Variants in SNX14 observed in about 807,000 individuals in gnomAD.
SNX14 encodes the protein sorting nexin-14.
A neutral mutation model predicts 133.8 loss-of-function variants in SNX14; 93 were observed. The ratio of observed to expected loss-of-function variants is 0.70; its 90% CI spans 0.59 to 0.83. SNX14 has a LOEUF of 0.83. Ranked by LOEUF, SNX14 falls within the 40% of genes least tolerant of loss-of-function variation. The pLI, the probability that SNX14 is intolerant of heterozygous loss-of-function variation, is 0.00. For synonymous variants in SNX14, 368 were observed against 365.6 expected, an observed-to-expected ratio of 1.01 and a Z score of -0.07; for missense variants, 945 against 1,094.9, an observed-to-expected ratio of 0.86 and a Z score of 1.93.
intron 7 of SNX14, among the ~76,000 whole-genome samples, chr6:85,555,901 T>G (rs1037042630): frequency 2.6e-5 from 4 of 151,870 alleles, no homozygotes; most frequent in Admixed American, 1.3e-4. Flanking sequence ...GGCAGGAGAC[T>G]CACTTGAACC....
At chr6:85,549,979 G>A in intron 7 of SNX14, 100 bp from the exon 8 acceptor site, 2 of 1,020,702 alleles carry the variant, frequency 2.0e-6, no homozygotes, top group African/African-American at 1.6e-5. Context: ...GGGCGTGGTG[G>A]CTCATGCCTG....
Position 85,565,386 on chromosome 6 carries a change from T to G in SNX14, c.495A>C (p.Glu165Asp), listed in dbSNP as rs751559499. The G allele has an allele frequency of 6.2e-6, 10 of 1,604,140 alleles. No individual in the cohort carries two copies. The highest frequency in any genetic ancestry group is 8.5e-6 in the Non-Finnish European group (10 of 1,174,822). The change falls in exon 6 of 29, where the codon GAA becomes GAC. Residue 165 changes from glutamate to aspartate, a missense_variant. Around this residue, in one of 3 missense-constraint regions of SNX14, gnomAD observed 514 missense variants for 538.8 expected, o/e 0.95. Coordinates refer to ENST00000314673, the MANE Select transcript of SNX14 (RefSeq NM_153816.6). ...CAAAAAAACGTAATGTTATTCTCAG[T>G]TCATCAACAAAGGATTCATCATCTG... is the stretch of plus-strand genomic sequence containing the variant. Reference protein sequence around the residue: ...DVTDDESFVDELRITLRFFAS... With the variant: ...DVTDDESFVDDLRITLRFFAS...
intron 1 of SNX14, chr6:85,589,605 T>C (rs1299539944): frequency 6.6e-6 from 1 of 152,260 alleles, no homozygotes; most frequent in Non-Finnish European, 1.5e-5. Flanking sequence ...TTATGTTAAT[T>C]CCTCTGGTGT....
chr6:85,511,175 C>T (rs1772680962), intron 26 of SNX14, among the ~76,000 whole-genome samples: 1 of 139,978 alleles, frequency 7.1e-6, no homozygotes, highest in Non-Finnish European at 1.6e-5. Flanking sequence ...TTTGGGGGTG[C>T]TAATGCAAAT....
At chr6:85,572,044 G>T in intron 4 of SNX14, 93 bp downstream of exon 4, 1 of 1,005,414 alleles carries the variant, frequency 9.9e-7, no homozygotes, top group Non-Finnish European at 1.5e-6. Context: ...GTATTAAGAT[G>T]CTCCATGATT....
intron 21 of SNX14, among the ~76,000 whole-genome samples, chr6:85,524,251 A>T (rs1427492674): frequency 6.6e-6 from 1 of 152,162 alleles, no homozygotes; most frequent in Non-Finnish European, 1.5e-5. Flanking sequence ...AAAGATTAAA[A>T]TAATAGGTTC....
chr6:85,510,878 T>C (rs1772562762), intron 26 of SNX14, among the ~76,000 whole-genome samples: 1 of 152,228 alleles, frequency 6.6e-6, no homozygotes, highest in Non-Finnish European at 1.5e-5. Context: ...GACTTTGTTG[T>C]TCTCAATCAA....
At chr6:85,522,971 G>C (rs909368793) in intron 21 of SNX14, among the ~76,000 whole-genome samples, 2 of 152,094 alleles carry the variant, frequency 1.3e-5, no homozygotes, top group African/African-American at 4.8e-5. Context: ...CCTAAGAAAG[G>C]CTTCCCTGTT....
At chr6:85,555,768 T>A (rs1789516943) in intron 7 of SNX14, among the ~76,000 whole-genome samples, 1 of 152,068 alleles carries the variant, frequency 6.6e-6, no homozygotes, top group Non-Finnish European at 1.5e-5. Flanking sequence ...GGCGTGTGGA[T>A]CAGCTGAGGT....
intron 21 of SNX14, among the ~76,000 whole-genome samples, chr6:85,522,762 T>C (rs1455646214): frequency 1.3e-5 from 2 of 152,218 alleles, no homozygotes; most frequent in African/African-American, 4.8e-5. Context: ...AAATTCCTTA[T>C]CATGACACAT....
intron 1 of SNX14, among the ~76,000 whole-genome samples, chr6:85,584,981 A>G (rs1009802435): frequency 3.9e-5 from 6 of 152,254 alleles, no homozygotes; most frequent in Admixed American, 1.3e-4. Flanking sequence ...ACACAATAGC[A>G]GAGACTTGGA....
intron 17 of SNX14, among the ~76,000 whole-genome samples, chr6:85,534,712 C>CA (rs1341314403): frequency 6.6e-6 from 1 of 151,386 alleles, no homozygotes; most frequent in African/African-American, 2.4e-5. Flanking sequence ...TCTTCTTCCA[C>CA]AAAAAATTAT....
At position 85,574,119 on chromosome 6, in the gene SNX14, C is replaced by CA. The variant is rs34519767; in HGVS notation, c.261+138dup. On this transcript the variant is annotated intron_variant, in intron 2 of 28. Transcript: ENST00000314673. ...CTTTTAGCAGAGTACCTAAAAAAAA[C>CA]AAAAAAAAAAAAGAGAAGAAATTGA... The CA allele has an allele frequency of 0.65, 274,858 of 421,574 alleles. 68,946 individuals are homozygous for CA. Among genetic ancestry groups the CA allele is most frequent in the Admixed American group, 0.75 (16,483 of 22,124 alleles). The allele number at this position is 421,574 out of a possible 1,614,324, so 26.1% of individuals were successfully genotyped here. A position where few individuals can be genotyped will look rare whatever the true frequency, so the allele number is the denominator to read the frequency against.
At position 85,547,146 on chromosome 6, in the gene SNX14, G is replaced by A. The variant is rs41271627; in HGVS notation, c.1074C>T (p.Gly358=). Residue 358 remains glycine (G), a synonymous_variant, in exon 12 of 29, where the codon GGC becomes GGT. Transcript: ENST00000314673. ...AACAAAACTGCAACACGTGCACTGCGCCTTCTTGTTTCAGAAAGTTCATAA... is the reference window on the plus strand; with the variant it reads ...AACAAAACTGCAACACGTGCACTGCACCTTCTTGTTTCAGAAAGTTCATAA... The part of the protein sequence containing the change: ...FRFMNFLKQE[G]AVHVLQFCLT... 2,812 of 1,613,878 alleles carry A rather than the reference G, an allele frequency of 1.7e-3. 4 individuals are homozygous for A. The highest frequency in any genetic ancestry group is 2.2e-3 in the Non-Finnish European group (2,636 of 1,179,888).
rs78359901 is a variant in SNX14, at chr6:85,558,037, G to T, written c.573C>A (p.Thr191=). Residue 191 remains threonine, a synonymous_variant, in exon 7 of 29, where the codon ACC becomes ACA. Transcript: ENST00000314673. Reference sequence around the variant, plus strand: ...TCATTGCTGCTTTTAATAGTTTCTTGGTTATAATAGATGGAATATCCACCT... The same window carrying T: ...TCATTGCTGCTTTTAATAGTTTCTTTGTTATAATAGATGGAATATCCACCT... The part of the protein sequence containing the change: ...IHKVDIPSII[T]KKLLKAAMKH... 2 of 1,574,492 alleles carry T rather than the reference G, an allele frequency of 1.3e-6. No homozygotes were observed. The highest frequency in any genetic ancestry group is 1.7e-5 in the Admixed American group (1 of 58,022).
chr6:85,530,087 T>C, intron 19 of SNX14, 105 bp downstream of exon 19: 1 of 641,104 alleles, frequency 1.6e-6, no homozygotes, highest in East Asian at 3.1e-5. Context: ...CAATGTTGTA[T>C]TTCTTGTATT....
chr6:85,556,913 C>T (rs1426742259), intron 7 of SNX14, among the ~76,000 whole-genome samples: 1 of 152,132 alleles, frequency 6.6e-6, no homozygotes, highest in Non-Finnish European at 1.5e-5. Flanking sequence ...AACTTCAAAT[C>T]TACCTATAGC....
At chr6:85,515,317 C>A (rs1774569605) in intron 23 of SNX14, among the ~76,000 whole-genome samples, 1 of 133,210 alleles carries the variant, frequency 7.5e-6, no homozygotes, top group African/African-American at 2.8e-5. Context: ...TTATAAATCA[C>A]TATAAGTAGA....
intron 5 of SNX14, 134 bp downstream of exon 5, chr6:85,567,400 A>T: frequency 3.0e-6 from 2 of 656,674 alleles, no homozygotes; most frequent in Non-Finnish European, 5.1e-6. Context: ...CAAAACAAAT[A>T]ATTATTTTGG....
Sources: allele counts gnomAD v4.1 joint callset (sites outside exome capture counted in the v4.1 genomes callset), GRCh38; gene constraint gnomAD v4.1.1; regional missense constraint gnomAD v4.1.1; transcripts MANE v1.5; gene names NCBI Gene and HGNC (gene_info 2026-07-23, HGNC 2026-07-21).